REXO4: variants seen among roughly 807,000 people sequenced by gnomAD.
The protein encoded by REXO4 is RNA exonuclease 4.
Under a neutral mutation model 39.9 loss-of-function variants are expected in REXO4, and 29 were observed. The observed-to-expected ratio is 0.73, with a 90% confidence interval of 0.54 to 0.99. The LOEUF is 0.99. REXO4 is among the 50% of genes least tolerant of loss of function. REXO4 has a pLI of 0.00. For missense variants in REXO4, 524 were observed against 546.5 expected, an observed-to-expected ratio of 0.96 and a Z score of 0.41; for synonymous variants, 184 against 206.2, an observed-to-expected ratio of 0.89 and a Z score of 0.92.
chr9:133,406,458 T>C lies in REXO4; in HGVS notation c.*495A>G, dbSNP rs1359732729. 1.2e-5 allele frequency: 2 copies of C among 161,810 alleles called. No homozygotes were observed. Among genetic ancestry groups the C allele is most frequent in the Admixed American group, 5.8e-5 (1 of 17,312 alleles). 10.0% of individuals were successfully genotyped at this position (161,810 alleles called of 1,614,324 possible). On this transcript the variant is annotated 3_prime_UTR_variant, in exon 8 of 8. Coordinates refer to ENST00000371942, the MANE Select transcript of REXO4 (RefSeq NM_020385.4). ...CAGGAAACCCCTGATGTAACACCTG[T>C]TGTGCCGGCCAGCTGTGTCTCAGGA...
chr9:133,408,293 A>C (rs1839021191), intron 6 of REXO4, among the ~76,000 whole-genome samples: 1 of 152,094 alleles, frequency 6.6e-6, no homozygotes, highest in Non-Finnish European at 1.5e-5. Context: ...ATCTCTAAAA[A>C]AATAAAAATA....
chr9:133,410,540 C>T (rs1018975726), intron 5 of REXO4, among the ~76,000 whole-genome samples: 1 of 152,248 alleles, frequency 6.6e-6, no homozygotes, highest in Non-Finnish European at 1.5e-5. Context: ...GCGGGATTTT[C>T]CTCGGGACGC....
At chr9:133,415,400 C>T (rs1839522168) in intron 1 of REXO4, among the ~76,000 whole-genome samples, 1 of 151,418 alleles carries the variant, frequency 6.6e-6, no homozygotes, top group Non-Finnish European at 1.5e-5. Context: ...CATCCTGCTA[C>T]ACAGAAATCG....
At chr9:133,418,051 C>T, upstream of REXO4, 1 of 572,144 alleles carries the variant, frequency 1.7e-6, no homozygotes, top group East Asian at 3.0e-5. Context: ...GCGCTCGTCT[C>T]TCCACAACCG....
In REXO4 at chr9:133,409,259, G is replaced by A. The variant is rs587677024; in HGVS notation, c.1000-417C>T. On this transcript the variant is annotated intron_variant, in intron 5 of 7. Coordinates refer to ENST00000371942, the MANE Select transcript of REXO4 (RefSeq NM_020385.4). ...TGGGATTACAGGTGTGAGCCAACGC[G>A]GCTGCCCTGCAAGTAACATCTTGTA... 7.9e-4 allele frequency among the ~76,000 whole-genome samples: 120 copies of A among 152,178 alleles called. 3 individuals are homozygous for A. In the South Asian group the frequency reaches 0.024, roughly 31 times the overall value.
In REXO4 at chr9:133,406,949, A is replaced by C; in HGVS notation, c.*4T>G. ...GGGGCGGCAGCAGCAGCAGGGCAGG[A>C]CTGCTAGGCGTCGTCACTGCAGTGG... is the stretch of plus-strand genomic sequence containing the variant. On this transcript the variant is annotated 3_prime_UTR_variant, in exon 8 of 8. Coordinates refer to ENST00000371942, the MANE Select transcript of REXO4 (RefSeq NM_020385.4). 9 of 1,610,182 alleles carry C rather than the reference A, an allele frequency of 5.6e-6. No homozygotes were observed. The highest frequency in any genetic ancestry group is 1.7e-4 in the Middle Eastern group (1 of 6,016).
intron 1 of REXO4, among the ~76,000 whole-genome samples, chr9:133,417,223 G>A (rs943032667): frequency 6.6e-6 from 1 of 152,202 alleles, no homozygotes; most frequent in Admixed American, 6.5e-5. Flanking sequence ...CACCATGTTG[G>A]CCGGGCTGGT....
chr9:133,412,375 CTT>C lies in REXO4; in HGVS notation c.832_833del (p.Lys278ValfsTer12). The C allele has an allele frequency of 6.2e-7, 1 of 1,614,144 alleles. No individual in the cohort carries two copies. Among genetic ancestry groups the C allele is most frequent in the Non-Finnish European group, 8.5e-7 (1 of 1,180,042 alleles). On this transcript the variant is annotated frameshift_variant, in exon 4 of 8. Coordinates refer to ENST00000371942, the MANE Select transcript of REXO4 (RefSeq NM_020385.4). LOFTEE classifies it high-confidence loss of function. ...VNQYGKCVYDKYVKPTEPVTD... is the reference protein window; with the variant it reads ...VNQYGKCVYDXYVKPTEPVTD... Reference sequence around the variant, plus strand: ...TCACGGGCTCGGTTGGTTTGACGTACTTGTCATAAACGCACTTCCCATACTGG... The same window carrying C: ...TCACGGGCTCGGTTGGTTTGACGTACGTCATAAACGCACTTCCCATACTGG...
At chr9:133,408,620 T>C in intron 6 of REXO4, 148 bp downstream of exon 6, 1 of 630,362 alleles carries the variant, frequency 1.6e-6, no homozygotes, top group Non-Finnish European at 2.8e-6. Context: ...TTAGCAGAAC[T>C]CTATTTTTAA....
In REXO4 at chr9:133,412,436, T is replaced by C. The variant is rs1554780343; in HGVS notation, c.773A>G (p.Glu258Gly). 1 of 1,613,774 alleles carries C rather than the reference T, an allele frequency of 6.2e-7. No individual in the cohort carries two copies. Among genetic ancestry groups the C allele is most frequent in the Non-Finnish European group, 8.5e-7 (1 of 1,179,986 alleles). The change falls in exon 4 of 8, where the codon GAG (glutamate) becomes GGG (glycine). Residue 258 changes from glutamate (E) to glycine (G), a missense_variant. Physicochemically the swap from Glu to Gly is moderately conservative, Grantham distance 98. Coordinates refer to ENST00000371942, the MANE Select transcript of REXO4 (RefSeq NM_020385.4). ...GGACACACGGGCGGCCATGCTCTCC[T>C]CCCCCTTAGGGCCCACGCCCACCAT... is the stretch of plus-strand genomic sequence containing the variant. ...CEMVGVGPKG[E>G]ESMAARVSIV... is the part of the protein sequence containing the mutation.
chr9:133,411,377 C>G (rs587658153), intron 4 of REXO4, among the ~76,000 whole-genome samples: 7 of 152,320 alleles, frequency 4.6e-5, no homozygotes, highest in Middle Eastern at 6.8e-3. Context: ...CACTGAGAAA[C>G]TTTTAGAGCC....
chr9:133,416,250 G>A (rs1029581827), intron 1 of REXO4, among the ~76,000 whole-genome samples: 6 of 152,204 alleles, frequency 3.9e-5, no homozygotes, highest in African/African-American at 1.4e-4. Context: ...TGAACCAGCA[G>A]AGTGAGAACT....
chr9:133,414,899 T>A lies in REXO4; in HGVS notation c.338A>T (p.Gln113Leu), dbSNP rs782800841. 1 of 1,614,122 alleles carries A rather than the reference T, an allele frequency of 6.2e-7. No individual in the cohort carries two copies. Among genetic ancestry groups the A allele is most frequent in the Admixed American group, 1.7e-5 (1 of 60,004 alleles). Residue 113 changes from glutamine to leucine, a missense_variant, in exon 2 of 8, where the codon CAA becomes CTA. Transcript: ENST00000371942. ...TGCCGGCATCTCCTCTCCCTTCACT[T>A]GAGGCGAGGTCTCTTTTTTGTTTTG... ...IQQNKKETSP[Q>L]VKGEEMPAGK...
intron 5 of REXO4, among the ~76,000 whole-genome samples, chr9:133,409,955 C>G (rs909103960): frequency 1.3e-5 from 2 of 152,192 alleles, no homozygotes; most frequent in South Asian, 2.1e-4. Context: ...GTCCCCACGG[C>G]AGCAGTCTCT....
chr9:133,410,627 C>A (rs587620854), intron 5 of REXO4, among the ~76,000 whole-genome samples: 35 of 152,386 alleles, frequency 2.3e-4, no homozygotes, highest in African/African-American at 7.9e-4. Flanking sequence ...GGCCACAGGG[C>A]ATCTGCCAGG....
intron 2 of REXO4, 87 bp from the exon 3 acceptor site, chr9:133,413,008 T>C: frequency 1.4e-6 from 2 of 1,417,988 alleles, no homozygotes; most frequent in South Asian, 2.6e-5. Context: ...TGCAGGTGAG[T>C]GGAGCGATGG....
intron 1 of REXO4, among the ~76,000 whole-genome samples, 186 bp downstream of exon 1, chr9:133,417,434 A>G (rs1839716638): frequency 6.6e-6 from 1 of 152,192 alleles, no homozygotes; most frequent in African/African-American, 2.4e-5. Context: ...TCTTTCATCA[A>G]TTTCTTTCAA....
At chr9:133,408,937 TGTGTGTGTGTGTGTGTG>T in intron 5 of REXO4, 95 bp from the exon 6 acceptor site, 1 of 157,348 alleles carries the variant, frequency 6.4e-6, no homozygotes, top group Non-Finnish European at 1.1e-5. Flanking sequence ...AACATCTTTG[TGTGTGTGTGTGTGTGTG>T]TGTGTGTGTG....
chr9:133,418,150 C>T (rs1026825652), upstream of REXO4: 33 of 424,228 alleles, frequency 7.8e-5, no homozygotes, highest in Non-Finnish European at 1.7e-5. Context: ...CCAGCGGCAT[C>T]CGGGGTCATC....
Sources: allele counts gnomAD v4.1 joint callset (sites outside exome capture counted in the v4.1 genomes callset), GRCh38; gene constraint gnomAD v4.1.1; transcripts MANE v1.5; gene names NCBI Gene and HGNC (gene_info 2026-07-23, HGNC 2026-07-21).